Variants in PAK1 observed in about 807,000 individuals in gnomAD.
PAK1 encodes serine/threonine-protein kinase PAK 1.
Under a neutral mutation model 67.4 loss-of-function variants are expected in PAK1, and 29 were observed. That is an observed-to-expected ratio of 0.43 (90% CI 0.32 to 0.59). The LOEUF (loss-of-function observed/expected upper bound fraction) is 0.59, where lower values mean the gene tolerates loss of function less well. Ranked by LOEUF, PAK1 falls within the 20% of genes least tolerant of loss-of-function variation. The pLI is 0.07. For missense variants in PAK1, 337 were observed against 670.7 expected, an observed-to-expected ratio of 0.50 and a Z score of 5.50; for synonymous variants, 223 against 237.4, an observed-to-expected ratio of 0.94 and a Z score of 0.56.
chr11:77,404,529 A>C (rs1953186522), intron 1 of PAK1, among the ~76,000 whole-genome samples: 1 of 152,108 alleles, frequency 6.6e-6, no homozygotes, highest in Non-Finnish European at 1.5e-5. Flanking sequence ...GGCCTCCCAA[A>C]GTGCTGGGAT....
upstream of PAK1, among the ~76,000 whole-genome samples, chr11:77,478,210 AT>A (rs904292564): frequency 5.7e-3 from 843 of 148,638 alleles, 11 homozygotes; most frequent in African/African-American, 0.018. Context: ...CCAAGAAGTT[AT>A]TTTTTTTTTT....
intron 2 of PAK1, among the ~76,000 whole-genome samples, chr11:77,384,833 T>A (rs1286728993): frequency 6.6e-6 from 1 of 152,222 alleles, no homozygotes; most frequent in African/African-American, 2.4e-5. Flanking sequence ...TTGTACAATC[T>A]TATGAATATA....
intron 1 of PAK1, among the ~76,000 whole-genome samples, chr11:77,444,309 G>A (rs1038074751): frequency 4.3e-5 from 6 of 138,562 alleles, no homozygotes; most frequent in East Asian, 2.1e-4. Context: ...AAAAAAACCC[G>A]ACGCCTGGGT....
At position 77,413,733 on chromosome 11, in the gene PAK1, A is replaced by AAAAG. The variant is rs899252469; in HGVS notation, c.-21-21196_-21-21193dup. On this transcript the variant is annotated intron_variant, in intron 1 of 14. Transcript: ENST00000356341. ...AAAGAAAAGGAAGGAAGGAAGGAAGAAAAGAAAGAAAGAAAGAATTGGTCA... is the reference window on the plus strand; with the variant it reads ...AAAGAAAAGGAAGGAAGGAAGGAAGAAAAGAAAGAAAGAAAGAAAGAATTGGTCA... Among the ~76,000 whole-genome samples, 5 of 152,052 alleles carry AAAAG rather than the reference A, an allele frequency of 3.3e-5. No homozygotes were observed. In the South Asian group the frequency reaches 6.2e-4, roughly 19 times the overall value.
intron 14 of PAK1, among the ~76,000 whole-genome samples, chr11:77,328,187 G>T (rs904259278): frequency 2.0e-5 from 3 of 152,126 alleles, no homozygotes; most frequent in Non-Finnish European, 4.4e-5. Flanking sequence ...ATAATAATGG[G>T]AGACTTTAAC....
chr11:77,424,394 C>T (rs1464633328), intron 1 of PAK1, among the ~76,000 whole-genome samples: 1 of 152,212 alleles, frequency 6.6e-6, no homozygotes, highest in Non-Finnish European at 1.5e-5. Context: ...TCTAAATTAT[C>T]TCCTTTAGGG....
intron 2 of PAK1, among the ~76,000 whole-genome samples, chr11:77,385,783 A>G (rs1565647942): frequency 2.0e-5 from 3 of 152,088 alleles, no homozygotes. Flanking sequence ...GCTTGAACCC[A>G]GGAGGTGGAG....
At chr11:77,455,145 T>A (rs1368168569) in intron 1 of PAK1, among the ~76,000 whole-genome samples, 1 of 152,160 alleles carries the variant, frequency 6.6e-6, no homozygotes, top group East Asian at 1.9e-4. Context: ...AAGCCAAATT[T>A]GAGTCAGAAT....
At chr11:77,362,762 C>T (rs899580348) in intron 5 of PAK1, among the ~76,000 whole-genome samples, 7 of 152,078 alleles carry the variant, frequency 4.6e-5, no homozygotes, top group South Asian at 2.1e-4. Context: ...TATAGGATTG[C>T]TAAATGAATA....
the PAK1 span, among the ~76,000 whole-genome samples, chr11:77,500,687 C>A: frequency 9.3e-5 from 14 of 151,264 alleles, no homozygotes; most frequent in African/African-American, 2.2e-4. Context: ...TCCACACACA[C>A]AAAAAAATTA....
intron 1 of PAK1, among the ~76,000 whole-genome samples, chr11:77,462,494 T>TA (rs1957398152): frequency 1.3e-5 from 2 of 151,386 alleles, no homozygotes; most frequent in African/African-American, 4.9e-5. Context: ...TTTTTTTTTT[T>TA]ATGTTCTTTG....
intron 8 of PAK1, 90 bp downstream of exon 8, chr11:77,353,446 T>A (rs1945559733): frequency 2.3e-6 from 2 of 859,532 alleles, no homozygotes; most frequent in Non-Finnish European, 2.0e-6. Context: ...AGAACAAGGT[T>A]TATGAGAGGC....
At chr11:77,453,856 G>C (rs1956966069) in intron 1 of PAK1, among the ~76,000 whole-genome samples, 1 of 152,138 alleles carries the variant, frequency 6.6e-6, no homozygotes, top group Non-Finnish European at 1.5e-5. Context: ...TGAGGCAGGA[G>C]GATTGCTTGA....
chr11:77,340,678 C>G lies in PAK1; in HGVS notation c.1084G>C (p.Asp362His). The G allele has an allele frequency of 3.1e-6, 5 of 1,608,766 alleles. No individual in the cohort carries two copies. Among genetic ancestry groups the G allele is most frequent in the Non-Finnish European group, 4.3e-6 (5 of 1,175,104 alleles). The change falls in exon 11 of 15, where the codon GAT (aspartate) becomes CAT (histidine). Residue 362 changes from aspartate to histidine, a missense_variant. Physicochemically the swap from Asp to His is moderately conservative, Grantham distance 81. This residue lies in a region of PAK1 where 25 missense variants were observed against 47.6 expected (regional missense o/e 0.53). Coordinates refer to ENST00000356341, the MANE Select transcript of PAK1 (RefSeq NM_002576.5). ...CACACAGCTGCAATTTGGCCTTCAT[C>G]CATGCAAGTTTCTGTCACCACATCT... The part of the protein sequence containing the change: ...LTDVVTETCM[D>H]EGQIAAVCRE...
intron 5 of PAK1, among the ~76,000 whole-genome samples, chr11:77,365,231 G>A: frequency 8.2e-6 from 1 of 121,626 alleles, no homozygotes; most frequent in Non-Finnish European, 1.6e-5. Flanking sequence ...CAGCCTGGGT[G>A]ACAGAGCAAG....
chr11:77,497,964 G>A, the PAK1 span, among the ~76,000 whole-genome samples: 98 of 152,214 alleles, frequency 6.4e-4, 1 homozygote, highest in African/African-American at 2.3e-3. Flanking sequence ...TACATATGTA[G>A]TAGAAACAAC....
chr11:77,323,003 T>C lies in PAK1; in HGVS notation c.*271A>G. 1.6e-6 allele frequency: 1 copy of C among 629,036 alleles called. No homozygotes were observed. The highest frequency in any genetic ancestry group is 1.9e-5 in the South Asian group (1 of 53,244). The allele number at this position is 629,036 out of a possible 1,614,324, so 39.0% of individuals were successfully genotyped here. A position where few individuals can be genotyped will look rare whatever the true frequency, so the allele number is the denominator to read the frequency against. ...CACACGGAAGACTAGAAACATTTAT[T>C]TATATAAACCCTTAATCATAAACCA... On this transcript the variant is annotated 3_prime_UTR_variant, in exon 15 of 15. Coordinates refer to ENST00000356341, the MANE Select transcript of PAK1 (RefSeq NM_002576.5).
rs182757581 is a variant in PAK1, at chr11:77,459,715, C to T, written c.-22+13837G>A. On this transcript the variant is annotated intron_variant, in intron 1 of 14. Transcript: ENST00000356341. Reference sequence around the variant, plus strand: ...CTTTTTTTTTTTTTTTTTTTTGAGACGGAGTCTCGCTCTTTCACCCAGGCC... The same window carrying T: ...CTTTTTTTTTTTTTTTTTTTTGAGATGGAGTCTCGCTCTTTCACCCAGGCC... Among the ~76,000 whole-genome samples the T allele has an allele frequency of 4.1e-3, 504 of 122,118 alleles. 6 individuals are homozygous for T. Among genetic ancestry groups the T allele is most frequent in the African/African-American group, 0.015 (469 of 31,776 alleles). The allele number at this position is 122,118 out of a possible 152,430, so 80.1% of individuals were successfully genotyped here.
At chr11:77,350,932 C>T (rs1016670366) in intron 8 of PAK1, among the ~76,000 whole-genome samples, 3 of 152,064 alleles carry the variant, frequency 2.0e-5, no homozygotes, top group Non-Finnish European at 4.4e-5. Context: ...ATGTAATATT[C>T]TTAAAGGACA....
Sources: gnomAD v4.1 joint callset for allele counts (sites outside exome capture counted in the v4.1 genomes callset) on GRCh38, gnomAD v4.1.1 for gene constraint, gnomAD v4.1.1 regional missense constraint, MANE v1.5 for transcripts, NCBI Gene and HGNC (gene_info 2026-07-23, HGNC 2026-07-21) for gene names.